Variants in RAB27B observed in about 807,000 individuals in gnomAD.
RAB27B encodes ras-related protein Rab-27B.
A neutral mutation model predicts 24.6 loss-of-function variants in RAB27B; 15 were observed. That is an observed-to-expected ratio of 0.61 (90% CI 0.41 to 0.94). The LOEUF (loss-of-function observed/expected upper bound fraction) is 0.94. RAB27B is among the 40% of genes least tolerant of loss of function. RAB27B has a pLI of 0.00. For synonymous variants in RAB27B, 105 were observed against 92.5 expected (o/e 1.14, Z -0.78); for missense variants, 261 against 266.8 (o/e 0.98, Z 0.15).
chr18:54,859,404 A>G (rs1368757752), intron 1 of RAB27B, among the ~76,000 whole-genome samples: 1 of 152,192 alleles, frequency 6.6e-6, no homozygotes, highest in Non-Finnish European at 1.5e-5. Context: ...TCTAAGTAGC[A>G]ACCTTTTTAT....
intron 2 of RAB27B, among the ~76,000 whole-genome samples, chr18:54,737,929 C>T (rs1909948961): frequency 6.6e-6 from 1 of 152,078 alleles, no homozygotes; most frequent in Admixed American, 6.6e-5. Flanking sequence ...ATACTTCTTG[C>T]CTTCTAGAAA....
chr18:54,802,598 C>T (rs1431614325), intron 2 of RAB27B, among the ~76,000 whole-genome samples: 1 of 152,172 alleles, frequency 6.6e-6, no homozygotes, highest in Non-Finnish European at 1.5e-5. Context: ...TTTTACACTT[C>T]CCTATTTTCC....
At chr18:54,752,773 A>C (rs34919777) in intron 2 of RAB27B, among the ~76,000 whole-genome samples, 9,451 of 152,186 alleles carry the variant, frequency 0.062, 372 homozygotes, top group Admixed American at 0.086. Flanking sequence ...GCCATTCTAC[A>C]GGGCATTCAT....
intron 1 of RAB27B, among the ~76,000 whole-genome samples, chr18:54,861,051 G>A (rs955559524): frequency 6.6e-6 from 1 of 151,992 alleles, no homozygotes; most frequent in Non-Finnish European, 1.5e-5. Context: ...ATAGATATTT[G>A]CCTATGAACC....
rs1194268037 is a variant in RAB27B at position 54,894,082 on chromosome 18, T to TC, written c.*4670dup. 2.0e-5 allele frequency: 3 copies of TC among 151,966 alleles called. No individual in the cohort carries two copies. Among genetic ancestry groups the TC allele is most frequent in the Non-Finnish European group, 4.4e-5 (3 of 67,916 alleles). The allele number at this position is 151,966 out of a possible 1,614,324, so 9.4% of individuals were successfully genotyped here. ...TCCATAAATTAGATTTATGATATTT[T>TC]CATAAAGCACTTGATTAGTTTTTCA... On this transcript the variant is annotated 3_prime_UTR_variant, in exon 6 of 6. Coordinates refer to ENST00000262094, the MANE Select transcript of RAB27B (RefSeq NM_004163.4).
chr18:54,777,531 G>C (rs1598896636), intron 2 of RAB27B, among the ~76,000 whole-genome samples: 1 of 152,368 alleles, frequency 6.6e-6, no homozygotes, highest in Non-Finnish European at 1.5e-5. Context: ...GGGTTTGAGA[G>C]AGATGTGTGG....
chr18:54,809,675 A>G (rs1489117888), intron 2 of RAB27B, among the ~76,000 whole-genome samples: 1 of 152,248 alleles, frequency 6.6e-6, no homozygotes, highest in Non-Finnish European at 1.5e-5. Flanking sequence ...TGCTTTAGTT[A>G]AGTAAATGTA....
chr18:54,759,368 A>G (rs1278249965), intron 2 of RAB27B, among the ~76,000 whole-genome samples: 1 of 152,202 alleles, frequency 6.6e-6, no homozygotes, highest in Non-Finnish European at 1.5e-5. Flanking sequence ...TGCTAGTTTA[A>G]TCTCTTTAAT....
intron 2 of RAB27B, among the ~76,000 whole-genome samples, chr18:54,802,755 C>T (rs1909650321): frequency 6.6e-6 from 1 of 152,186 alleles, no homozygotes; most frequent in South Asian, 2.1e-4. Context: ...GAATGGGGGA[C>T]ATTGACATTA....
At chr18:54,866,299 C>G (rs558788549) in intron 1 of RAB27B, among the ~76,000 whole-genome samples, 32 of 151,938 alleles carry the variant, frequency 2.1e-4, no homozygotes, top group Non-Finnish European at 4.0e-4. Context: ...CCCTGCCCCC[C>G]GCGCCCTGCG....
chr18:54,751,750 A>T (rs978422999), intron 2 of RAB27B, among the ~76,000 whole-genome samples: 1 of 152,200 alleles, frequency 6.6e-6, no homozygotes, highest in Non-Finnish European at 1.5e-5. Context: ...AGATATAGGG[A>T]AATCGATGAA....
intron 1 of RAB27B, among the ~76,000 whole-genome samples, chr18:54,831,275 G>C (rs940845729): frequency 3.9e-5 from 6 of 152,096 alleles, no homozygotes; most frequent in Non-Finnish European, 8.8e-5. Flanking sequence ...GATATGTGGA[G>C]GAAGAGCATT....
In RAB27B at chr18:54,892,178, T is replaced by C. The variant is rs1381629221; in HGVS notation, c.*2765T>C. The C allele has an allele frequency of 6.6e-6, 1 of 152,086 alleles. No homozygotes were observed. The highest frequency in any genetic ancestry group is 1.5e-5 in the Non-Finnish European group (1 of 67,984). 9.4% of individuals were successfully genotyped at this position (152,086 alleles called of 1,614,324 possible). On this transcript the variant is annotated 3_prime_UTR_variant, in exon 6 of 6. Transcript: ENST00000262094. The stretch of plus-strand genomic sequence containing the variant: ...TCTCCCAATGCTTTAGTAAAACGTA[T>C]TTAGGAGAAATGTTGAAAATGTACA...
chr18:54,886,465 A>G (rs1913141301), intron 4 of RAB27B, among the ~76,000 whole-genome samples: 1 of 152,150 alleles, frequency 6.6e-6, no homozygotes, highest in African/African-American at 2.4e-5. Context: ...ATGATTATAT[A>G]TAATAATTAT....
intron 2 of RAB27B, among the ~76,000 whole-genome samples, chr18:54,782,959 C>CTTT (rs576296088): frequency 3.4e-5 from 5 of 146,768 alleles, no homozygotes; most frequent in Admixed American, 2.7e-4. Context: ...CTCATAATAA[C>CTTT]TTTTTTTTTT....
At chr18:54,863,318 T>C (rs1441247757) in intron 1 of RAB27B, among the ~76,000 whole-genome samples, 1 of 152,220 alleles carries the variant, frequency 6.6e-6, no homozygotes, top group Non-Finnish European at 1.5e-5. Context: ...AAATGTATTT[T>C]ATGGCCTATA....
intron 4 of RAB27B, among the ~76,000 whole-genome samples, chr18:54,886,294 C>T (rs1334490729): frequency 6.6e-6 from 1 of 152,170 alleles, no homozygotes; most frequent in Non-Finnish European, 1.5e-5. Context: ...CTTTCTACCA[C>T]TAGAATGTAA....
chr18:54,858,028 C>T (rs1911854091), intron 1 of RAB27B, among the ~76,000 whole-genome samples: 1 of 152,160 alleles, frequency 6.6e-6, no homozygotes, highest in African/African-American at 2.4e-5. Context: ...AAGTTTACAA[C>T]ATCATAGTCC....
upstream of RAB27B, among the ~76,000 whole-genome samples, chr18:54,823,929 C>T (rs1288351821): frequency 3.9e-5 from 6 of 152,176 alleles, no homozygotes; most frequent in Non-Finnish European, 8.8e-5. Context: ...AGATCGCCTC[C>T]TAAGCCCTGG....
Sources: allele counts gnomAD v4.1 joint callset (sites outside exome capture counted in the v4.1 genomes callset), GRCh38; gene constraint gnomAD v4.1.1; transcripts MANE v1.5; gene names NCBI Gene and HGNC (gene_info 2026-07-23, HGNC 2026-07-21).